SELENOT: variants seen among roughly 807,000 people sequenced by gnomAD.
The protein encoded by SELENOT is thioredoxin reductase-like selenoprotein T.
A neutral mutation model predicts 24.3 loss-of-function variants in SELENOT; 9 were observed. That is an observed-to-expected ratio of 0.37 (90% confidence interval 0.22 to 0.65). SELENOT has a LOEUF of 0.65. Ranked by LOEUF, SELENOT falls within the 30% of genes least tolerant of loss-of-function variation. The probability of loss-of-function intolerance (pLI) is 0.60; values close to 1 mark genes in which losing one functional copy is unlikely to be tolerated. For synonymous variants in SELENOT, 81 were observed against 86.0 expected (o/e 0.94, Z 0.32); for missense variants, 166 against 247.6 (o/e 0.67, Z 2.21).
At chr3:150,624,621 A>T (rs1726403039) in intron 3 of SELENOT, among the ~76,000 whole-genome samples, 191 bp from the exon 4 acceptor site, 1 of 152,188 alleles carries the variant, frequency 6.6e-6, no homozygotes, top group Admixed American at 6.5e-5. Context: ...TGTGTACATT[A>T]TGAATATCAT....
rs1726363044 is a variant in SELENOT at position 150,622,428 on chromosome 3, G to T, written c.181G>T (p.Val61Phe). Residue 61 changes from valine to phenylalanine, a missense_variant, in exon 2 of 6, where the codon GTT (valine) becomes TTT (phenylalanine). Transcript: ENST00000471696. ...YRRVFEEYMR[V>F]ISQRYPDIRI... The stretch of plus-strand genomic sequence containing the variant: ...GCGGGTGTTTGAGGAGTACATGCGG[G>T]TTATTAGCCAGCGGTACCCAGACAT... 6.7e-7 allele frequency: 1 copy of T among 1,499,020 alleles called. No individual in the cohort carries two copies. Among genetic ancestry groups the T allele is most frequent in the Non-Finnish European group, 9.0e-7 (1 of 1,115,162 alleles). 92.9% of individuals were successfully genotyped at this position (1,499,020 alleles called of 1,614,324 possible).
intron 1 of SELENOT, among the ~76,000 whole-genome samples, chr3:150,605,405 TAAAC>T (rs1300088139): frequency 2.6e-5 from 4 of 152,156 alleles, no homozygotes; most frequent in African/African-American, 9.7e-5. Flanking sequence ...TCAAAATGTG[TAAAC>T]AAACGTAGGG....
chr3:150,603,594 A>G (rs1371734411), intron 1 of SELENOT, 95 bp downstream of exon 1: 11 of 1,350,678 alleles, frequency 8.1e-6, no homozygotes, highest in Middle Eastern at 2.2e-4. Flanking sequence ...AAATGGCCGC[A>G]TCTTCGCTGG....
In SELENOT at chr3:150,629,199, A is replaced by G. The variant is rs528094049; in HGVS notation, c.*1570A>G. 1.3e-5 allele frequency: 2 copies of G among 152,340 alleles called. No homozygotes were observed. The highest frequency in any genetic ancestry group is 4.1e-4 in the South Asian group (2 of 4,830). 9.4% of individuals were successfully genotyped at this position (152,340 alleles called of 1,614,324 possible). A position where few individuals can be genotyped will look rare whatever the true frequency, so the allele number is the denominator to read the frequency against. ...TTGTGATAGCTTCAAGGTGGAACAT[A>G]CTGTAATCTCCAGATGCTAGGAAGT... On this transcript the variant is annotated 3_prime_UTR_variant, in exon 6 of 6. Transcript: ENST00000471696.
chr3:150,625,638 T>A (rs1320053533), intron 4 of SELENOT, among the ~76,000 whole-genome samples: 1 of 149,194 alleles, frequency 6.7e-6, no homozygotes, highest in East Asian at 1.9e-4. Flanking sequence ...ACTTTTTGGT[T>A]AAAAAAAAAA....
chr3:150,618,824 T>C (rs1280115585), intron 1 of SELENOT: 1 of 152,204 alleles, frequency 6.6e-6, no homozygotes, highest in Non-Finnish European at 1.5e-5. Context: ...ATGCCCAGCC[T>C]ATGATAGACT....
chr3:150,611,076 T>G (rs1190385071), intron 1 of SELENOT, among the ~76,000 whole-genome samples: 2 of 152,136 alleles, frequency 1.3e-5, no homozygotes, highest in Non-Finnish European at 2.9e-5. Context: ...ATAACCTTTA[T>G]TTAAAATAGT....
chr3:150,617,977 C>T (rs749739493), intron 1 of SELENOT, among the ~76,000 whole-genome samples: 20 of 152,232 alleles, frequency 1.3e-4, no homozygotes, highest in Non-Finnish European at 2.6e-4. Flanking sequence ...ATGCCTCAGC[C>T]TCCCAAGTAG....
chr3:150,606,221 G>A (rs1043335204), intron 1 of SELENOT, among the ~76,000 whole-genome samples: 1 of 150,376 alleles, frequency 6.6e-6, no homozygotes, highest in African/African-American at 2.5e-5. Context: ...CATGATCACG[G>A]AGCCTTGACT....
intron 1 of SELENOT, among the ~76,000 whole-genome samples, chr3:150,605,628 A>G (rs1235946149): frequency 6.9e-6 from 1 of 144,566 alleles, no homozygotes; most frequent in Non-Finnish European, 1.5e-5. Flanking sequence ...GACACTATCC[A>G]CCGGAGATCA....
At chr3:150,616,965 C>T (rs115062100) in intron 1 of SELENOT, among the ~76,000 whole-genome samples, 1,974 of 151,950 alleles carry the variant, frequency 0.013, 46 homozygotes, top group African/African-American at 0.046. Flanking sequence ...TGGTTTTACA[C>T]AGGTGAATAC....
intron 1 of SELENOT, among the ~76,000 whole-genome samples, chr3:150,613,893 T>C (rs1319764186): frequency 2.0e-5 from 3 of 152,118 alleles, no homozygotes; most frequent in Non-Finnish European, 4.4e-5. Flanking sequence ...GAGATAGATA[T>C]GTTACTGGTT....
At chr3:150,618,263 G>A (rs60875274) in intron 1 of SELENOT, among the ~76,000 whole-genome samples, 6 of 152,190 alleles carry the variant, frequency 3.9e-5, no homozygotes, top group East Asian at 1.9e-4. Context: ...ATTAGGCCTC[G>A]TTGTGTAAAT....
intron 1 of SELENOT, among the ~76,000 whole-genome samples, chr3:150,609,755 C>T (rs953921765): frequency 2.0e-5 from 3 of 152,158 alleles, no homozygotes; most frequent in African/African-American, 7.2e-5. Context: ...ATTTGGTTCT[C>T]CCTTTGGGAT....
chr3:150,603,463 A>G lies in SELENOT; in HGVS notation c.101A>G (p.Gln34Arg). 6.2e-7 allele frequency: 1 copy of G among 1,611,606 alleles called. No individual in the cohort carries two copies. Among genetic ancestry groups the G allele is most frequent in the Non-Finnish European group, 8.5e-7 (1 of 1,178,346 alleles). ...GTGCCCAGCAAGAGATTAAAGATGC[A>G]GTACGCCACGGGGCCGCTGCTCAAG... ...GGVPSKRLKMQYATGPLLKFQ... is the reference protein window; with the variant it reads ...GGVPSKRLKMRYATGPLLKFQ... The change falls in exon 1 of 6, where the codon CAG becomes CGG. Residue 34 changes from glutamine (Q) to arginine (R), a missense_variant. By Grantham distance (43) the Gln-to-Arg change is conservative. This residue lies in a region of SELENOT where 46 missense variants were observed against 49.3 expected (regional missense o/e 0.93). Coordinates refer to ENST00000471696, the MANE Select transcript of SELENOT (RefSeq NM_016275.5).
intron 1 of SELENOT, chr3:150,611,650 G>A: frequency 6.3e-7 from 1 of 1,593,628 alleles, no homozygotes; most frequent in Non-Finnish European, 8.6e-7. Context: ...ATGCTCTTCT[G>A]GATCCTCTTG....
chr3:150,609,482 T>C (rs931105389), intron 1 of SELENOT, among the ~76,000 whole-genome samples: 1 of 152,128 alleles, frequency 6.6e-6, no homozygotes, highest in African/African-American at 2.4e-5. Flanking sequence ...CCCAAGTAGC[T>C]GAGATTACAG....
chr3:150,629,495 G>A lies in SELENOT; in HGVS notation c.*1866G>A, dbSNP rs1409971117. ...GTCTAGGGGTTCATCTTCAGTAATC[G>A]ACATTCCACTAGTGCCATAGTTAAC... On this transcript the variant is annotated 3_prime_UTR_variant, in exon 6 of 6. Transcript: ENST00000471696. The A allele has an allele frequency of 1.3e-5, 2 of 152,564 alleles. No individual in the cohort carries two copies. Among genetic ancestry groups the A allele is most frequent in the African/African-American group, 4.8e-5 (2 of 41,402 alleles). The allele number at this position is 152,564 out of a possible 1,614,324, so 9.5% of individuals were successfully genotyped here. A position where few individuals can be genotyped will look rare whatever the true frequency, so the allele number is the denominator to read the frequency against.
chr3:150,606,336 T>A (rs1725962129), intron 1 of SELENOT, among the ~76,000 whole-genome samples: 1 of 151,300 alleles, frequency 6.6e-6, no homozygotes, highest in African/African-American at 2.4e-5. Context: ...AGAGACCTGG[T>A]CTTGCCTTGT....
Sources: allele counts gnomAD v4.1 joint callset (sites outside exome capture counted in the v4.1 genomes callset), GRCh38; gene constraint gnomAD v4.1.1; regional missense constraint gnomAD v4.1.1; transcripts MANE v1.5; gene names NCBI Gene and HGNC (gene_info 2026-07-23, HGNC 2026-07-21).